Variants in RBFOX1 observed in about 807,000 individuals in gnomAD.
RBFOX1 encodes RNA binding protein fox-1 homolog 1.
RBFOX1 carries 8 observed loss-of-function variants against 57.7 expected under a neutral mutation model. The ratio of observed to expected loss-of-function variants is 0.14; its 90% CI spans 0.08 to 0.25. The LOEUF (loss-of-function observed/expected upper bound fraction) is 0.25, where lower values mean the gene tolerates loss of function less well. Ranked by LOEUF, RBFOX1 falls within the 10% of genes least tolerant of loss-of-function variation. The probability of loss-of-function intolerance (pLI) is 1.00; values close to 1 mark genes in which losing one functional copy is unlikely to be tolerated. For missense variants in RBFOX1, 611 were observed against 548.5 expected (o/e 1.11, Z -1.14); for synonymous variants, 326 against 222.4 (o/e 1.47, Z -4.15).
intron 1 of RBFOX1, among the ~76,000 whole-genome samples, chr16:6,312,380 C>G (rs1196116443): frequency 2.0e-5 from 3 of 152,110 alleles, no homozygotes; most frequent in African/African-American, 7.2e-5. Context: ...ATTGCTACTT[C>G]TGCTGTTTTC....
chr16:7,145,624 T>TG, intron 4 of RBFOX1, among the ~76,000 whole-genome samples: 1 of 152,102 alleles, frequency 6.6e-6, no homozygotes, highest in African/African-American at 2.4e-5. Context: ...TTAGTGGGGG[T>TG]ATTTAGGAAC....
chr16:5,794,195 T>C (rs1567550456), intron 3 of RBFOX1, among the ~76,000 whole-genome samples: 3 of 152,234 alleles, frequency 2.0e-5, no homozygotes, highest in Admixed American at 2.0e-4. Flanking sequence ...GGGGTTATAC[T>C]GAGCATTGCA....
chr16:6,637,089 CAT>C lies in RBFOX1; in HGVS notation c.-63-17511_-63-17510del, dbSNP rs1202130746. 1.1e-4 allele frequency among the ~76,000 whole-genome samples: 4 copies of C among 35,324 alleles called. No individual in the cohort carries two copies. The East Asian group carries it at 3.7e-3, about 33-fold the overall frequency. The allele number at this position is 35,324 out of a possible 152,430, so 23.2% of individuals were successfully genotyped here. Reference sequence around the variant, plus strand: ...ATAAATATGTTTAATATATATAATACATATTAAATATATATATTATATAATAT... The same window carrying C: ...ATAAATATGTTTAATATATATAATACATTAAATATATATATTATATAATAT... On this transcript the variant is annotated intron_variant, in intron 2 of 15. Coordinates refer to ENST00000550418, the MANE Select transcript of RBFOX1 (RefSeq NM_018723.4).
intron 3 of RBFOX1, among the ~76,000 whole-genome samples, chr16:6,786,267 G>A (rs1003505144): frequency 6.6e-5 from 10 of 152,222 alleles, no homozygotes; most frequent in South Asian, 2.1e-4. Flanking sequence ...GCCAGGAGAC[G>A]GGGCTTTTTG....
chr16:5,558,369 C>G (rs919330417), intron 2 of RBFOX1, among the ~76,000 whole-genome samples: 1 of 152,150 alleles, frequency 6.6e-6, no homozygotes, highest in South Asian at 2.1e-4. Context: ...AAAAGCGGTC[C>G]TCATGTCCTC....
intron 3 of RBFOX1, among the ~76,000 whole-genome samples, chr16:6,950,512 C>G (rs755874296): frequency 2.0e-5 from 3 of 152,136 alleles, no homozygotes; most frequent in East Asian, 1.9e-4. Flanking sequence ...TGAAGCTGAA[C>G]AAATAGAAAT....
chr16:5,415,252 A>C (rs2067131360), intron 1 of RBFOX1, among the ~76,000 whole-genome samples: 1 of 152,178 alleles, frequency 6.6e-6, no homozygotes, highest in Non-Finnish European at 1.5e-5. Context: ...GAGGGGGAGG[A>C]AGGCACCTTC....
At chr16:6,309,053 G>C (rs764966591) in intron 1 of RBFOX1, among the ~76,000 whole-genome samples, 37 of 151,958 alleles carry the variant, frequency 2.4e-4, no homozygotes, top group Non-Finnish European at 5.0e-4. Context: ...TAATTTTATG[G>C]AGATTGAAAT....
intron 2 of RBFOX1, among the ~76,000 whole-genome samples, chr16:5,516,395 C>G (rs1206695940): frequency 1.3e-5 from 2 of 152,106 alleles, no homozygotes; most frequent in Non-Finnish European, 2.9e-5. Flanking sequence ...TTTCTTGTCT[C>G]CCATCACCTC....
intron 4 of RBFOX1, among the ~76,000 whole-genome samples, chr16:7,388,919 T>C (rs2097936512): frequency 6.6e-6 from 1 of 152,106 alleles, no homozygotes; most frequent in South Asian, 2.1e-4. Context: ...TATAGGGACA[T>C]AACCATATCA....
intron 4 of RBFOX1, among the ~76,000 whole-genome samples, chr16:7,404,798 TATC>T (rs1213896750): frequency 1.3e-5 from 2 of 152,196 alleles, no homozygotes; most frequent in Non-Finnish European, 2.9e-5. Flanking sequence ...CACAATAGGT[TATC>T]ATTCCCTTTT....
chr16:5,293,462 G>C (rs753528608), intron 1 of RBFOX1, among the ~76,000 whole-genome samples: 2 of 152,110 alleles, frequency 1.3e-5, no homozygotes, highest in Non-Finnish European at 2.9e-5. Context: ...TTGTCAGTGG[G>C]TCTCAACCTT....
At chr16:7,552,781 C>G (rs758600328) in intron 5 of RBFOX1, among the ~76,000 whole-genome samples, 2 of 152,140 alleles carry the variant, frequency 1.3e-5, no homozygotes, top group Non-Finnish European at 2.9e-5. Flanking sequence ...CTCCCAGGCT[C>G]AAGAGATTCT....
intron 3 of RBFOX1, among the ~76,000 whole-genome samples, chr16:6,725,245 G>T (rs2066924804): frequency 6.6e-6 from 1 of 151,788 alleles, no homozygotes; most frequent in South Asian, 2.1e-4. Flanking sequence ...TAGGGACAGG[G>T]TTTCACCGTG....
intron 3 of RBFOX1, among the ~76,000 whole-genome samples, chr16:5,697,001 C>T (rs545974409): frequency 3.9e-5 from 6 of 152,060 alleles, no homozygotes; most frequent in African/African-American, 1.4e-4. Flanking sequence ...CGTCCTCTGC[C>T]TCCTGGATTG....
intron 1 of RBFOX1, among the ~76,000 whole-genome samples, chr16:5,344,355 C>T (rs977609741): frequency 3.3e-5 from 5 of 152,314 alleles, no homozygotes; most frequent in African/African-American, 9.6e-5. Context: ...AAGTCTCCCT[C>T]TGTTTTGCTT....
chr16:7,052,467 G>C (rs2050435338), intron 4 of RBFOX1, among the ~76,000 whole-genome samples: 2 of 152,162 alleles, frequency 1.3e-5, no homozygotes, highest in Non-Finnish European at 2.9e-5. Flanking sequence ...TTGCTGAGTG[G>C]CTAAAATGCT....
At chr16:6,242,630 ACAC>A in intron 1 of RBFOX1, among the ~76,000 whole-genome samples, 2 of 35,046 alleles carry the variant, frequency 5.7e-5, no homozygotes, top group East Asian at 5.8e-4. Flanking sequence ...TTTATTGCAA[ACAC>A]ACACACACAC....
intron 4 of RBFOX1, among the ~76,000 whole-genome samples, chr16:7,210,066 G>T (rs946046681): frequency 6.6e-6 from 1 of 152,178 alleles, no homozygotes; most frequent in African/African-American, 2.4e-5. Context: ...CCCAAAGGAA[G>T]AAAATCCAAT....
Sources: allele counts gnomAD v4.1 joint callset (sites outside exome capture counted in the v4.1 genomes callset), GRCh38; gene constraint gnomAD v4.1.1; transcripts MANE v1.5; gene names NCBI Gene and HGNC (gene_info 2026-07-23, HGNC 2026-07-21).